The following DHX32 variants were observed in gnomAD, a reference collection of about 807,000 sequenced individuals.
DHX32 encodes DEAH-box helicase 32 (putative).
In DHX32, 51 loss-of-function variants were observed where a neutral mutation model predicts 70.0. The ratio of observed to expected loss-of-function variants is 0.73; its 90% CI spans 0.58 to 0.92. The LOEUF (loss-of-function observed/expected upper bound fraction) is 0.92, where lower values mean the gene tolerates loss of function less well. DHX32 is among the 40% of genes least tolerant of loss of function. The probability of loss-of-function intolerance (pLI) is 0.00; values close to 1 mark genes in which losing one functional copy is unlikely to be tolerated. For missense variants in DHX32, 762 were observed against 891.8 expected (o/e 0.85, Z 1.85); for synonymous variants, 310 against 315.3 (o/e 0.98, Z 0.18).
At chr10:125,894,103 T>C (rs555709742) in intron 1 of DHX32, among the ~76,000 whole-genome samples, 33 of 152,428 alleles carry the variant, frequency 2.2e-4, no homozygotes, top group African/African-American at 7.0e-4. Flanking sequence ...TAAAAAAATA[T>C]ATATAGAACT....
At chr10:125,877,465 TCGCTTGA>T (rs1159023428) in intron 1 of DHX32, among the ~76,000 whole-genome samples, 3 of 152,060 alleles carry the variant, frequency 2.0e-5, no homozygotes, top group Non-Finnish European at 4.4e-5. Context: ...GGTGGGAGGA[TCGCTTGA>T]GCCCAGGAGT....
At chr10:125,884,424 C>T (rs1944332477), upstream of DHX32, among the ~76,000 whole-genome samples, 1 of 152,182 alleles carries the variant, frequency 6.6e-6, no homozygotes, top group Non-Finnish European at 1.5e-5. Flanking sequence ...AACTACATTC[C>T]ACTATAAGAA....
chr10:125,896,043 C>A (rs1944500370), intron 1 of DHX32, among the ~76,000 whole-genome samples: 1 of 152,302 alleles, frequency 6.6e-6, no homozygotes, highest in African/African-American at 2.4e-5. Context: ...GAGCAGGAGG[C>A]GCGGAGGCCG....
Position 125,836,422 on chromosome 10 carries a change from A to G in DHX32, c.*265T>C. On this transcript the variant is annotated 3_prime_UTR_variant, in exon 11 of 11. Transcript: ENST00000284690. Reference sequence around the variant, plus strand: ...CCCATGTGTCTCTGACACATTTACAAAATACCAGTTTTTTAAAATTTTGGT... The same window carrying G: ...CCCATGTGTCTCTGACACATTTACAGAATACCAGTTTTTTAAAATTTTGGT... 1 of 1,453,360 alleles carries G rather than the reference A, an allele frequency of 6.9e-7. No individual in the cohort carries two copies. Among genetic ancestry groups the G allele is most frequent in the Non-Finnish European group, 9.0e-7 (1 of 1,108,776 alleles). The allele number at this position is 1,453,360 out of a possible 1,614,324, so 90.0% of individuals were successfully genotyped here.
chr10:125,839,208 A>G lies in DHX32; in HGVS notation c.1694-20T>C, dbSNP rs1371010504. ...CACAGTCTAGGAGGGAAAGAACACA[A>G]GGCTATTTAGAAATGATTTGTCAGA... On this transcript the variant is annotated intron_variant, in intron 8 of 10. Transcript: ENST00000284690. The G allele has an allele frequency of 6.2e-6, 10 of 1,608,948 alleles. No individual in the cohort carries two copies. The African/African-American group carries it at 8.0e-5, about 13-fold the overall frequency.
At chr10:125,885,337 A>G (rs1226488740), upstream of DHX32, among the ~76,000 whole-genome samples, 1 of 152,078 alleles carries the variant, frequency 6.6e-6, no homozygotes. Flanking sequence ...GGCAAAAGGG[A>G]CTCTACAGAT....
At chr10:125,895,527 G>T (rs1476605212) in intron 1 of DHX32, among the ~76,000 whole-genome samples, 1 of 152,138 alleles carries the variant, frequency 6.6e-6, no homozygotes, top group Admixed American at 6.5e-5. Flanking sequence ...CTGGTTGTTT[G>T]AATTTTTACA....
At chr10:125,867,595 G>C (rs1357399372) in intron 1 of DHX32, among the ~76,000 whole-genome samples, 1 of 152,054 alleles carries the variant, frequency 6.6e-6, no homozygotes, top group Non-Finnish European at 1.5e-5. Context: ...AATTAGCTAG[G>C]CGTGGTGGCG....
At chr10:125,853,172 C>T in intron 4 of DHX32, 1 of 1,613,158 alleles carries the variant, frequency 6.2e-7, no homozygotes, top group Non-Finnish European at 8.5e-7. Flanking sequence ...GAAGGCTGGA[C>T]TAATTCAATC....
rs1281917631 is a variant in DHX32 at position 125,859,586 on chromosome 10, G to C, written c.849+17C>G. The C allele has an allele frequency of 3.2e-6, 5 of 1,547,404 alleles. No homozygotes were observed. In the South Asian group the frequency reaches 5.1e-5, roughly 16 times the overall value. On this transcript the variant is annotated intron_variant, in intron 3 of 10. Coordinates refer to ENST00000284690, the MANE Select transcript of DHX32 (RefSeq NM_018180.3). ...GAAATACCTTATTACTGTAAGGTTA[G>C]AGTATCACTTACTTACTTGTTCACA... is the stretch of plus-strand genomic sequence containing the variant.
At chr10:125,895,001 T>TA in intron 1 of DHX32, among the ~76,000 whole-genome samples, 1 of 152,306 alleles carries the variant, frequency 6.6e-6, no homozygotes, top group Non-Finnish European at 1.5e-5. Flanking sequence ...CACCCTTAAT[T>TA]TATTACCTTA....
chr10:125,894,753 A>G (rs1944415353), intron 1 of DHX32, among the ~76,000 whole-genome samples: 1 of 152,306 alleles, frequency 6.6e-6, no homozygotes, highest in South Asian at 2.1e-4. Flanking sequence ...TTGTCAATAA[A>G]TGCCAGGTGT....
At chr10:125,840,759 G>T in intron 8 of DHX32, 88 bp downstream of exon 8, 3 of 1,416,464 alleles carry the variant, frequency 2.1e-6, no homozygotes, top group East Asian at 2.4e-5. Flanking sequence ...GGCTGGCGAA[G>T]AATGTTTGAT....
upstream of DHX32, among the ~76,000 whole-genome samples, chr10:125,885,650 C>A (rs184441456): frequency 3.3e-4 from 51 of 152,264 alleles, 1 homozygote; most frequent in Non-Finnish European, 7.4e-5. Flanking sequence ...TCCAGTGAGA[C>A]CGACAACCGA....
At chr10:125,874,937 T>G (rs772921913) in intron 1 of DHX32, among the ~76,000 whole-genome samples, 17 of 151,998 alleles carry the variant, frequency 1.1e-4, no homozygotes, top group Admixed American at 3.9e-4. Context: ...CTAAAAGCAA[T>G]GATAGGCCGG....
chr10:125,845,308 A>G (rs1177655119), intron 6 of DHX32, among the ~76,000 whole-genome samples: 1 of 152,214 alleles, frequency 6.6e-6, no homozygotes, highest in Non-Finnish European at 1.5e-5. Flanking sequence ...CTCTTTTGTT[A>G]TAACAATCTT....
At chr10:125,890,746 T>A (rs12268691) in intron 1 of DHX32, 12 of 152,352 alleles carry the variant, frequency 7.9e-5, no homozygotes, top group Non-Finnish European at 1.5e-4. Flanking sequence ...TCAAATTTTT[T>A]AAAAAGAATC....
chr10:125,836,377 T>C lies in DHX32; in HGVS notation c.*310A>G. 1 of 1,563,848 alleles carries C rather than the reference T, an allele frequency of 6.4e-7. No individual in the cohort carries two copies. The highest frequency in any genetic ancestry group is 8.6e-7 in the Non-Finnish European group (1 of 1,158,106). ...AGACTTTATTCAGATTAAGTTCCTC[T>C]ACAAAAAGTAGGGTTCTGTCCCATG... On this transcript the variant is annotated 3_prime_UTR_variant, in exon 11 of 11. Transcript: ENST00000284690.
chr10:125,848,411 A>G (rs73381243), intron 6 of DHX32, among the ~76,000 whole-genome samples: 2,914 of 152,320 alleles, frequency 0.019, 90 homozygotes, highest in African/African-American at 0.065. Context: ...AAGAGGGCAG[A>G]CACTCTACCC....
Sources: allele counts gnomAD v4.1 joint callset (sites outside exome capture counted in the v4.1 genomes callset), GRCh38; gene constraint gnomAD v4.1.1; transcripts MANE v1.5; gene names NCBI Gene and HGNC (gene_info 2026-07-23, HGNC 2026-07-21).